PTPN3: variants seen among roughly 807,000 people sequenced by gnomAD.
PTPN3 encodes tyrosine-protein phosphatase non-receptor type 3.
A neutral mutation model predicts 132.7 loss-of-function variants in PTPN3; 96 were observed. The observed-to-expected ratio is 0.72, with a 90% CI of 0.61 to 0.86. The LOEUF is 0.86. Ranked by LOEUF, PTPN3 falls within the 40% of genes least tolerant of loss-of-function variation. The probability of loss-of-function intolerance (pLI) is 0.00; values close to 1 mark genes in which losing one functional copy is unlikely to be tolerated. For missense variants in PTPN3, 1,125 were observed against 1,159.6 expected, an observed-to-expected ratio of 0.97 and a Z score of 0.43; for synonymous variants, 398 against 429.0, an observed-to-expected ratio of 0.93 and a Z score of 0.89.
chr9:109,408,796 A>AATATATATATATATATATAT (rs1219154297), intron 16 of PTPN3, among the ~76,000 whole-genome samples: 2 of 108,348 alleles, frequency 1.8e-5, no homozygotes, highest in African/African-American at 7.4e-5. Context: ...AAAAAAAAAA[A>AATATATATATATATATATAT]ATATATATAT....
intron 25 of PTPN3, among the ~76,000 whole-genome samples, chr9:109,381,342 C>A (rs1282101841): frequency 6.6e-6 from 1 of 152,152 alleles, no homozygotes; most frequent in Non-Finnish European, 1.5e-5. Flanking sequence ...TCCACTGAGC[C>A]AAAAGGAGTA....
In PTPN3 at chr9:109,426,138, T is replaced by G. The variant is rs556961794; in HGVS notation, c.1001+812A>C. Among the ~76,000 whole-genome samples the G allele has an allele frequency of 4.6e-5, 7 of 150,988 alleles. No homozygotes were observed. In the South Asian group the frequency reaches 1.2e-3, roughly 27 times the overall value. On this transcript the variant is annotated intron_variant, in intron 12 of 25. Transcript: ENST00000374541. ...AAAGAAAACAAAAATACAAACTGCA[T>G]GGTTATTTCATTTAGAGAATAAATT...
chr9:109,448,975 G>T, intron 5 of PTPN3, 120 bp from the exon 6 acceptor site: 1 of 1,480,794 alleles, frequency 6.8e-7, no homozygotes, highest in Non-Finnish European at 8.9e-7. Context: ...ATAAAAATAC[G>T]GTTTTGGTCC....
In PTPN3 at chr9:109,427,034, G is replaced by T; in HGVS notation, c.917C>A (p.Thr306Lys). 6.2e-7 allele frequency: 1 copy of T among 1,613,620 alleles called. No homozygotes were observed. The highest frequency in any genetic ancestry group is 2.2e-5 in the East Asian group (1 of 44,870). ...TAGTAGCTTCTTTGCCTGAAAGAAC[G>T]TATGGTGCTCAACACAGGATTTCCA... ...NLWKSCVEHH[T>K]FFQAKKLLPQ... Residue 306 changes from threonine to lysine, a missense_variant, in exon 12 of 26, where the codon ACG (threonine) becomes AAG (lysine). Physicochemically the swap from Thr to Lys is moderately conservative, Grantham distance 78. Transcript: ENST00000374541.
At chr9:109,389,417 G>T in intron 21 of PTPN3, 38 bp from the exon 22 acceptor site, 1 of 1,588,878 alleles carries the variant, frequency 6.3e-7, no homozygotes, top group Non-Finnish European at 8.6e-7. Context: ...ATCTGTTGCT[G>T]CCCCAGGGTG....
chr9:109,486,733 T>C (rs1013519178), intron 1 of PTPN3, among the ~76,000 whole-genome samples: 7 of 152,154 alleles, frequency 4.6e-5, no homozygotes, highest in African/African-American at 1.7e-4. Flanking sequence ...CAAATCTCAC[T>C]GAGTTGTAGT....
rs1843448395 is a variant in PTPN3, at chr9:109,428,630, T to C, written c.819A>G (p.Arg273=). ...AGACATAACTACTCACCTGTTTCTG[T>C]CGCTGATGTATGAAGAACTTTTTCC... ...FKRKKFFIHQ[R]QKQAESREHI... Residue 273 remains arginine, a synonymous_variant, in exon 11 of 26, where the codon CGA becomes CGG. Transcript: ENST00000374541. 6.2e-7 allele frequency: 1 copy of C among 1,613,730 alleles called. No homozygotes were observed. Among genetic ancestry groups the C allele is most frequent in the African/African-American group, 1.3e-5 (1 of 75,046 alleles).
At chr9:109,472,822 T>C (rs1324906207) in intron 1 of PTPN3, among the ~76,000 whole-genome samples, 1 of 152,254 alleles carries the variant, frequency 6.6e-6, no homozygotes, top group Admixed American at 6.5e-5. Context: ...TAATCGTGAC[T>C]GAATACTTGC....
rs1327367145 is a variant in PTPN3 at position 109,498,187 on chromosome 9, C to T, written c.-18+32G>A. 4 of 146,488 alleles carry T rather than the reference C, an allele frequency of 2.7e-5. No homozygotes were observed. The highest frequency in any genetic ancestry group is 6.1e-5 in the Non-Finnish European group (4 of 65,884). 9.1% of individuals were successfully genotyped at this position (146,488 alleles called of 1,614,324 possible). A position where few individuals can be genotyped will look rare whatever the true frequency, so the allele number is the denominator to read the frequency against. On this transcript the variant is annotated intron_variant, in intron 1 of 25. Coordinates refer to ENST00000374541, the MANE Select transcript of PTPN3 (RefSeq NM_002829.4). This position sits in a 1 kb window ranked among gnomAD's most constrained non-coding sequence, Gnocchi z 4.2. ...GGCCCCCGGCAGCCCCGCACCCTGC[C>T]CCCGGCCCGCTGGGGTCGCACGGGC...
At chr9:109,456,971 G>A (rs1304233672) in intron 4 of PTPN3, among the ~76,000 whole-genome samples, 1 of 152,034 alleles carries the variant, frequency 6.6e-6, no homozygotes, top group Non-Finnish European at 1.5e-5. Context: ...CTTTCCCACA[G>A]CTGGGGCGGA....
At chr9:109,413,335 T>C (rs756429336) in intron 14 of PTPN3, among the ~76,000 whole-genome samples, 108 of 152,192 alleles carry the variant, frequency 7.1e-4, no homozygotes, top group Admixed American at 1.9e-3. Flanking sequence ...TTTGGCCTGC[T>C]CAACTGTGTA....
intron 5 of PTPN3, among the ~76,000 whole-genome samples, chr9:109,451,621 C>T (rs943299454): frequency 1.1e-4 from 16 of 152,242 alleles, no homozygotes; most frequent in Non-Finnish European, 2.9e-5. Context: ...GAATGCCCTA[C>T]ATTTCCACAG....
chr9:109,438,326 CATTA>C, intron 7 of PTPN3, 92 bp from the exon 8 acceptor site: 2 of 1,365,786 alleles, frequency 1.5e-6, no homozygotes, highest in South Asian at 2.7e-5. Context: ...ATCAGAATAA[CATTA>C]ATTAGAAATA....
rs573587675 is a variant in PTPN3, at chr9:109,476,364, A to G, written c.-17-12913T>C. ...TATGTTTATCAAAATAACAAGTTGT[A>G]AACCTTAAAAAAAAAAACAGTAAAA... On this transcript the variant is annotated intron_variant, in intron 1 of 25. Coordinates refer to ENST00000374541, the MANE Select transcript of PTPN3 (RefSeq NM_002829.4). 3.3e-5 allele frequency among the ~76,000 whole-genome samples: 5 copies of G among 151,622 alleles called. No individual in the cohort carries two copies. In the South Asian group the frequency reaches 1.0e-3, roughly 31 times the overall value.
chr9:109,436,788 TGAAAAA>T (rs1844083869), intron 9 of PTPN3, 89 bp downstream of exon 9: 3 of 1,501,916 alleles, frequency 2.0e-6, no homozygotes, highest in Non-Finnish European at 2.7e-6. Context: ...CCTGTTATAA[TGAAAAA>T]GAAATAGTTT....
intron 19 of PTPN3, among the ~76,000 whole-genome samples, chr9:109,401,754 CTT>C (rs1457471883): frequency 6.6e-6 from 1 of 152,150 alleles, no homozygotes; most frequent in Non-Finnish European, 1.5e-5. Context: ...AGGCCTGTCT[CTT>C]TATGCTACGT....
chr9:109,451,276 G>C (rs942725238), intron 5 of PTPN3: 1 of 985,034 alleles, frequency 1.0e-6, no homozygotes, highest in African/African-American at 1.7e-5. Flanking sequence ...CTCTATAAGA[G>C]TTATGGGGGT....
intron 1 of PTPN3, among the ~76,000 whole-genome samples, chr9:109,486,087 C>T (rs192947249): frequency 5.3e-5 from 8 of 152,344 alleles, no homozygotes. Context: ...ACACAGATCT[C>T]CCCTAGAGTC....
At chr9:109,520,215 C>T in the PTPN3 span, among the ~76,000 whole-genome samples, 1,488 of 151,892 alleles carry the variant, frequency 9.8e-3, 31 homozygotes, top group African/African-American at 0.034. Flanking sequence ...CAAAACTTAC[C>T]TAGATTTATC....
Sources: allele counts gnomAD v4.1 joint callset (sites outside exome capture counted in the v4.1 genomes callset), GRCh38; gene constraint gnomAD v4.1.1; non-coding constraint Gnocchi (gnomAD v3.1); transcripts MANE v1.5; gene names NCBI Gene and HGNC (gene_info 2026-07-23, HGNC 2026-07-21).